The following FIP1L1 variants were observed in gnomAD, a reference collection of about 807,000 sequenced individuals.
FIP1L1 encodes the protein pre-mRNA 3'-end-processing factor FIP1.
A neutral mutation model predicts 84.6 loss-of-function variants in FIP1L1; 21 were observed. That is an observed-to-expected ratio of 0.25 (90% CI 0.18 to 0.36). FIP1L1 has a LOEUF of 0.36. FIP1L1 is among the 10% of genes least tolerant of loss of function. FIP1L1 has a pLI of 1.00. For synonymous variants in FIP1L1, 263 were observed against 242.3 expected (o/e 1.09, Z -0.80); for missense variants, 526 against 751.1 (o/e 0.70, Z 3.50).
intron 10 of FIP1L1, among the ~76,000 whole-genome samples, chr4:53,407,056 T>G (rs1753969914): frequency 6.6e-6 from 1 of 152,206 alleles, no homozygotes; most frequent in African/African-American, 2.4e-5. Flanking sequence ...TGCTAGTTTT[T>G]GAATGTGTTT....
In FIP1L1 at chr4:53,389,784, T is replaced by G. The variant is rs202159892; in HGVS notation, c.333-25T>G. The G allele has an allele frequency of 2.1e-4, 317 of 1,539,250 alleles. No individual in the cohort carries two copies. The highest frequency in any genetic ancestry group is 8.9e-4 in the African/African-American group (64 of 72,064). ...TTTAAGCTTTTCAGGATAATTTCTG[T>G]TTTTTTTTGTTTGTTTGTTTTTAGG... On this transcript the variant is annotated intron_variant, in intron 5 of 17. Transcript: ENST00000337488.
intron 11 of FIP1L1, among the ~76,000 whole-genome samples, chr4:53,420,197 C>CAAAAAAA: frequency 5.7e-5 from 1 of 17,542 alleles, no homozygotes; most frequent in Non-Finnish European, 8.6e-5. Context: ...GACTCCGTCT[C>CAAAAAAA]AAAAAAAAAA....
At chr4:53,394,977 G>A (rs1746454542) in intron 9 of FIP1L1, among the ~76,000 whole-genome samples, 1 of 152,058 alleles carries the variant, frequency 6.6e-6, no homozygotes, top group African/African-American at 2.4e-5. Context: ...TACAGTGGTA[G>A]CATAATTTGG....
intron 11 of FIP1L1, among the ~76,000 whole-genome samples, chr4:53,416,845 TC>T (rs2149793587): frequency 6.6e-6 from 1 of 152,072 alleles, no homozygotes; most frequent in South Asian, 2.1e-4. Context: ...TCACCTGTAA[TC>T]CCAGATACTC....
intron 13 of FIP1L1, chr4:53,440,791 T>C (rs1331966773): frequency 1.8e-6 from 1 of 558,640 alleles, no homozygotes; most frequent in South Asian, 2.1e-5. Flanking sequence ...AGTTTTCTTA[T>C]ACCTGTCTTA....
intron 1 of FIP1L1, 90 bp from the exon 2 acceptor site, chr4:53,378,983 T>C (rs1736295655): frequency 7.8e-7 from 1 of 1,288,096 alleles, no homozygotes; most frequent in Non-Finnish European, 1.1e-6. Flanking sequence ...TAAGCTTATT[T>C]TTATAGCAGT....
intron 9 of FIP1L1, among the ~76,000 whole-genome samples, chr4:53,393,473 A>G (rs1052755147): frequency 1.3e-5 from 2 of 152,248 alleles, no homozygotes; most frequent in Admixed American, 1.3e-4. Flanking sequence ...CTTATCATAC[A>G]GCTTCAACAC....
chr4:53,441,236 T>A (rs1258900027), intron 13 of FIP1L1, among the ~76,000 whole-genome samples: 3 of 151,948 alleles, frequency 2.0e-5, no homozygotes, highest in Admixed American at 6.6e-5. Context: ...CAAGTGTGTC[T>A]TCCTGAGTTC....
At chr4:53,459,112 A>G (rs781213585) in intron 17 of FIP1L1, among the ~76,000 whole-genome samples, 190 bp from the exon 18 acceptor site, 2 of 152,124 alleles carry the variant, frequency 1.3e-5, no homozygotes, top group South Asian at 4.1e-4. Context: ...AGATGGCCCT[A>G]TAAAATAAAT....
At chr4:53,406,371 G>A (rs1250619814) in intron 10 of FIP1L1, among the ~76,000 whole-genome samples, 1 of 152,166 alleles carries the variant, frequency 6.6e-6, no homozygotes, top group Non-Finnish European at 1.5e-5. Flanking sequence ...ACTTGATCAT[G>A]GTGGATAAGC....
chr4:53,395,707 G>A (rs1480532260), intron 9 of FIP1L1, among the ~76,000 whole-genome samples: 1 of 152,144 alleles, frequency 6.6e-6, no homozygotes, highest in Admixed American at 6.6e-5. Context: ...GTTTTAGGAT[G>A]AGACATAGTA....
Position 53,459,386 on chromosome 4 carries a change from A to G in FIP1L1, c.1722A>G (p.Gly574=), listed in dbSNP as rs148264857. ...KHKKSKRSKE[G]KEAGSEPAPE... ...AAAAATCTAAAAGAAGCAAAGAAGG[A>G]AAAGAAGCGGGCAGTGAGCCTGCCC... The change falls in exon 18 of 18, where the codon GGA becomes GGG. Residue 574 remains glycine (G), a synonymous_variant. Coordinates refer to ENST00000337488, the MANE Select transcript of FIP1L1 (RefSeq NM_030917.4). 1.9e-6 allele frequency: 3 copies of G among 1,613,136 alleles called. No homozygotes were observed. The South Asian group carries it at 3.3e-5, about 18-fold the overall frequency.
intron 13 of FIP1L1, among the ~76,000 whole-genome samples, chr4:53,438,540 TCA>T (rs1211110002): frequency 6.6e-6 from 1 of 152,234 alleles, no homozygotes; most frequent in African/African-American, 2.4e-5. Flanking sequence ...AATGGAGGTC[TCA>T]CAAGAAGGGC....
At chr4:53,452,464 A>G (rs1716674558) in intron 15 of FIP1L1, among the ~76,000 whole-genome samples, 1 of 152,110 alleles carries the variant, frequency 6.6e-6, no homozygotes, top group South Asian at 2.1e-4. Context: ...GATTACCGGC[A>G]TGCACCACCA....
chr4:53,428,255 TTAAAA>T, intron 13 of FIP1L1, 72 bp downstream of exon 13: 1 of 1,400,088 alleles, frequency 7.1e-7, no homozygotes, highest in Non-Finnish European at 9.6e-7. Context: ...TTTTTGACAA[TTAAAA>T]TAATATCTTG....
chr4:53,423,395 G>A (rs1763133920), intron 11 of FIP1L1, among the ~76,000 whole-genome samples: 1 of 152,148 alleles, frequency 6.6e-6, no homozygotes, highest in South Asian at 2.1e-4. Context: ...GAACTCTTAA[G>A]TTACAGTAGA....
intron 10 of FIP1L1, among the ~76,000 whole-genome samples, chr4:53,402,578 T>G (rs1750863880): frequency 6.6e-6 from 1 of 152,288 alleles, no homozygotes; most frequent in African/African-American, 2.4e-5. Flanking sequence ...GAAGCAAACC[T>G]GTAGTTCAAG....
chr4:53,410,210 G>A (rs1029607551), intron 10 of FIP1L1, among the ~76,000 whole-genome samples: 1 of 152,208 alleles, frequency 6.6e-6, no homozygotes, highest in Non-Finnish European at 1.5e-5. Context: ...TAGAGTAAGA[G>A]AAGACAACAC....
At chr4:53,431,275 A>G (rs1766521698) in intron 13 of FIP1L1, among the ~76,000 whole-genome samples, 1 of 152,188 alleles carries the variant, frequency 6.6e-6, no homozygotes. Context: ...CCACAGAACC[A>G]CATGATTACA....
Sources: allele counts gnomAD v4.1 joint callset (sites outside exome capture counted in the v4.1 genomes callset), GRCh38; gene constraint gnomAD v4.1.1; transcripts MANE v1.5; gene names NCBI Gene and HGNC (gene_info 2026-07-23, HGNC 2026-07-21).